Variants in EML4 observed in about 807,000 individuals in gnomAD.
The protein encoded by EML4 is EMAP like 4.
Under a neutral mutation model 129.0 loss-of-function variants are expected in EML4, and 72 were observed. The observed-to-expected ratio is 0.56, with a 90% CI of 0.46 to 0.68. The LOEUF is 0.68. EML4 is among the 30% of genes least tolerant of loss of function. The probability of loss-of-function intolerance (pLI) is 0.00; values close to 1 mark genes in which losing one functional copy is unlikely to be tolerated. For missense variants in EML4, 1,363 were observed against 1,190.6 expected, an observed-to-expected ratio of 1.14 and a Z score of -2.13; for synonymous variants, 532 against 405.0, an observed-to-expected ratio of 1.31 and a Z score of -3.77.
At position 42,215,531 on chromosome 2, in the gene EML4, T is replaced by TA. The variant is rs796715030; in HGVS notation, c.26-29968dup. Among the ~76,000 whole-genome samples, 65 of 151,930 alleles carry TA rather than the reference T, an allele frequency of 4.3e-4. 1 individual carries two copies. Among genetic ancestry groups the TA allele is most frequent in the Middle Eastern group, 3.4e-3 (1 of 294 alleles). On this transcript the variant is annotated intron_variant, in intron 1 of 22. Transcript: ENST00000318522. ...ACTAGATTTTTTTTCTGTTTTATTATAAAAAATGTTTAAGAAGCAAAAAAA... is the reference window on the plus strand; with the variant it reads ...ACTAGATTTTTTTTCTGTTTTATTATAAAAAAATGTTTAAGAAGCAAAAAAA...
At chr2:42,317,625 C>T in intron 19 of EML4, 101 bp downstream of exon 19, 2 of 717,162 alleles carry the variant, frequency 2.8e-6, no homozygotes, top group South Asian at 3.6e-5. Flanking sequence ...CTGTCGTTAG[C>T]TGCTTTAATC....
At chr2:42,275,157 TAA>T (rs1484746193) in intron 6 of EML4, among the ~76,000 whole-genome samples, 5 of 152,232 alleles carry the variant, frequency 3.3e-5, no homozygotes, top group African/African-American at 9.6e-5. Flanking sequence ...CAAGTAATAT[TAA>T]GTTTTAATAG....
At chr2:42,206,622 T>A (rs921575948) in intron 1 of EML4, among the ~76,000 whole-genome samples, 23 of 152,244 alleles carry the variant, frequency 1.5e-4, no homozygotes, top group African/African-American at 5.1e-4. Context: ...TAGACAGTTT[T>A]GAAGATTACT....
At chr2:42,306,822 T>C (rs1409591803) in intron 17 of EML4, among the ~76,000 whole-genome samples, 1 of 152,022 alleles carries the variant, frequency 6.6e-6, no homozygotes, top group Non-Finnish European at 1.5e-5. Flanking sequence ...TATATGTTAC[T>C]CTTCACAAGA....
chr2:42,183,023 G>T (rs1256707117), intron 1 of EML4, among the ~76,000 whole-genome samples: 1 of 152,104 alleles, frequency 6.6e-6, no homozygotes, highest in Non-Finnish European at 1.5e-5. Flanking sequence ...AGGCATGGTG[G>T]TGCACTCCTG....
At chr2:42,312,804 C>T (rs572639106) in intron 17 of EML4, among the ~76,000 whole-genome samples, 87 of 151,716 alleles carry the variant, frequency 5.7e-4, no homozygotes, top group Non-Finnish European at 1.0e-3. Flanking sequence ...CCACTCACCT[C>T]GGCCTCTGAA....
chr2:42,194,731 C>T (rs1402391656), intron 1 of EML4, among the ~76,000 whole-genome samples: 1 of 151,760 alleles, frequency 6.6e-6, no homozygotes, highest in Non-Finnish European at 1.5e-5. Context: ...AGTCTGGTCT[C>T]GAACTCCTGG....
Position 42,220,915 on chromosome 2 carries a change from C to T in EML4, c.26-24590C>T, listed in dbSNP as rs1673552234. Among the ~76,000 whole-genome samples the T allele has an allele frequency of 5.3e-5, 8 of 152,294 alleles. No individual in the cohort carries two copies. In the South Asian group the frequency reaches 1.7e-3, roughly 32 times the overall value. ...CCTTAAGCCAAAGCCTAATCCAGAG[C>T]AAGGCTCTAACTCTCTTCATTTCTA... On this transcript the variant is annotated intron_variant, in intron 1 of 22. Coordinates refer to ENST00000318522, the MANE Select transcript of EML4 (RefSeq NM_019063.5).
chr2:42,291,791 A>G (rs180972123), intron 11 of EML4, among the ~76,000 whole-genome samples: 3 of 152,346 alleles, frequency 2.0e-5, no homozygotes, highest in East Asian at 1.9e-4. Flanking sequence ...ATAAGCATCT[A>G]TAGTTCAGTA....
At chr2:42,308,931 A>T (rs904568756) in intron 17 of EML4, among the ~76,000 whole-genome samples, 1 of 152,230 alleles carries the variant, frequency 6.6e-6, no homozygotes, top group Non-Finnish European at 1.5e-5. Context: ...TTATGGCCAA[A>T]TAACATTCCA....
chr2:42,192,198 CTT>C (rs1671627030), intron 1 of EML4, among the ~76,000 whole-genome samples: 1 of 138,412 alleles, frequency 7.2e-6, no homozygotes. Context: ...GAAAGTTACT[CTT>C]TTCTTTGCTG....
rs1667190462 is a variant in EML4, at chr2:42,284,690, A to G, written c.998A>G (p.Asp333Gly). 2 of 1,612,670 alleles carry G rather than the reference A, an allele frequency of 1.2e-6. No individual in the cohort carries two copies. Among genetic ancestry groups the G allele is most frequent in the Non-Finnish European group, 1.7e-6 (2 of 1,179,274 alleles). The change falls in exon 9 of 23, where the codon GAT becomes GGT. Residue 333 changes from aspartate to glycine, a missense_variant. By Grantham distance (94) the Asp-to-Gly change is moderately conservative. Coordinates refer to ENST00000318522, the MANE Select transcript of EML4 (RefSeq NM_019063.5). ...GCAACTGGACAGATAGCTGGCGTGGATAAAGATGGAAGGGTGAGTGGCATA... is the reference window on the plus strand; with the variant it reads ...GCAACTGGACAGATAGCTGGCGTGGGTAAAGATGGAAGGGTGAGTGGCATA... ...RIATGQIAGV[D>G]KDGRPLQPHV...
intron 1 of EML4, among the ~76,000 whole-genome samples, chr2:42,192,544 G>C (rs1366506302): frequency 6.6e-6 from 1 of 151,880 alleles, no homozygotes; most frequent in Non-Finnish European, 1.5e-5. Context: ...CCAGCCTACT[G>C]TTTTCTTTTT....
At chr2:42,227,077 G>C (rs1674011952) in intron 1 of EML4, among the ~76,000 whole-genome samples, 1 of 151,974 alleles carries the variant, frequency 6.6e-6, no homozygotes. Context: ...TCCACTTTCA[G>C]TTTTATGTGC....
intron 1 of EML4, among the ~76,000 whole-genome samples, chr2:42,184,617 T>C (rs919238390): frequency 6.6e-6 from 1 of 152,134 alleles, no homozygotes; most frequent in Non-Finnish European, 1.5e-5. Flanking sequence ...TTTCTTCTTA[T>C]ACCGTTATTT....
At position 42,192,122 on chromosome 2, in the gene EML4, C is replaced by CAAA. The variant is rs34611381; in HGVS notation, c.25+22498_25+22500dup. On this transcript the variant is annotated intron_variant, in intron 1 of 22. Transcript: ENST00000318522. ...CATTGCAATAAGAGGGAAACTGTCTCAAAAAAAAAAAAAATCCCTAGTTTT... is the reference window on the plus strand; with the variant it reads ...CATTGCAATAAGAGGGAAACTGTCTCAAAAAAAAAAAAAAAAATCCCTAGTTTT... Among the ~76,000 whole-genome samples the CAAA allele has an allele frequency of 1.4e-5, 2 of 138,362 alleles. 1 individual carries two copies. Among genetic ancestry groups the CAAA allele is most frequent in the Admixed American group, 1.5e-4 (2 of 13,728 alleles). 90.8% of individuals were successfully genotyped at this position (138,362 alleles called of 152,430 possible).
intron 1 of EML4, among the ~76,000 whole-genome samples, chr2:42,172,801 A>T (rs567104314): frequency 6.6e-6 from 1 of 152,312 alleles, no homozygotes; most frequent in South Asian, 2.1e-4. Flanking sequence ...GAAGCTATTC[A>T]TACAGCTTTT....
At chr2:42,320,639 T>C (rs929699361) in intron 19 of EML4, among the ~76,000 whole-genome samples, 6 of 152,328 alleles carry the variant, frequency 3.9e-5, no homozygotes, top group African/African-American at 1.4e-4. Context: ...AATTCAAAAA[T>C]AGTTTTACAA....
At chr2:42,173,705 A>G (rs1488439786) in intron 1 of EML4, among the ~76,000 whole-genome samples, 1 of 151,804 alleles carries the variant, frequency 6.6e-6, no homozygotes, top group Non-Finnish European at 1.5e-5. Context: ...AAAAATAGGC[A>G]TAGTGGCATG....
Sources: gnomAD v4.1 joint callset for allele counts (sites outside exome capture counted in the v4.1 genomes callset) on GRCh38, gnomAD v4.1.1 for gene constraint, MANE v1.5 for transcripts, NCBI Gene and HGNC (gene_info 2026-07-23, HGNC 2026-07-21) for gene names.